Variants in KANK1 observed in about 807,000 individuals in gnomAD.
KANK1 encodes KN motif and ankyrin repeat domain-containing protein 1.
Under a neutral mutation model 106.2 loss-of-function variants are expected in KANK1, and 109 were observed. That is an observed-to-expected ratio of 1.03 (90% CI 0.88 to 1.20). The LOEUF (loss-of-function observed/expected upper bound fraction) is 1.20, where lower values mean the gene tolerates loss of function less well. KANK1 is among the 50% of genes most tolerant of loss of function. The probability of loss-of-function intolerance (pLI) is 0.00; values close to 1 mark genes in which losing one functional copy is unlikely to be tolerated. For missense variants in KANK1, 2,399 were observed against 1,710.7 expected (o/e 1.40, Z -7.10); for synonymous variants, 873 against 652.2 (o/e 1.34, Z -5.16).
chr9:558,848 T>C (rs554007050), intron 1 of KANK1: 2 of 152,256 alleles, frequency 1.3e-5, no homozygotes, highest in South Asian at 2.1e-4. Flanking sequence ...GTGGCACATA[T>C]ACTAAAATTG....
In KANK1 at chr9:629,438, G is replaced by A. The variant is rs1278769470; in HGVS notation, c.-83-47452G>A. ...ATACAATGTTAATAAATATTTCTAC[G>A]TGTAATGGAGAAACAAGCCATAAAA... On this transcript the variant is annotated intron_variant, in intron 1 of 11. Coordinates refer to ENST00000382297, the MANE Select transcript of KANK1 (RefSeq NM_015158.5). Among the ~76,000 whole-genome samples, 4 of 152,290 alleles carry A rather than the reference G, an allele frequency of 2.6e-5. No individual in the cohort carries two copies. In the East Asian group the frequency reaches 7.7e-4, roughly 29 times the overall value.
In KANK1 at chr9:744,478, A is replaced by G; in HGVS notation, c.3898-13A>G. On this transcript the variant is annotated splice_polypyrimidine_tract_variant and intron_variant, in intron 10 of 11. Coordinates refer to ENST00000382297, the MANE Select transcript of KANK1 (RefSeq NM_015158.5). Reference sequence around the variant, plus strand: ...AAACCCAACATGGCTTGTTCTTTCCATCTTATCTTAAGGATGGCAGCACTG... The same window carrying G: ...AAACCCAACATGGCTTGTTCTTTCCGTCTTATCTTAAGGATGGCAGCACTG... 3 of 1,608,522 alleles carry G rather than the reference A, an allele frequency of 1.9e-6. No individual in the cohort carries two copies. Among genetic ancestry groups the G allele is most frequent in the Non-Finnish European group, 2.6e-6 (3 of 1,175,726 alleles).
intron 3 of KANK1, among the ~76,000 whole-genome samples, chr9:729,075 A>G (rs768908634): frequency 2.0e-5 from 3 of 152,246 alleles, no homozygotes; most frequent in African/African-American, 2.4e-5. Context: ...TCTTTTTTAC[A>G]GAGTTTGACT....
chr9:562,880 GA>G (rs967298072), intron 1 of KANK1, among the ~76,000 whole-genome samples: 9 of 152,092 alleles, frequency 5.9e-5, no homozygotes, highest in African/African-American at 1.9e-4. Flanking sequence ...TTTGTTGAAT[GA>G]AAAAAATGAA....
At chr9:503,229 A>G (rs1453622532), upstream of KANK1, among the ~76,000 whole-genome samples, 2 of 152,020 alleles carry the variant, frequency 1.3e-5, no homozygotes, top group Non-Finnish European at 2.9e-5. Flanking sequence ...ATAGAAGAGT[A>G]GACATTTGGG....
At position 711,775 on chromosome 9, in the gene KANK1, C is replaced by A. The variant is rs139937975; in HGVS notation, c.1009C>A (p.Arg337=). ...GNASQLEQLS[R]ARRSGGELYI... ...CGCCTCCCAGCTGGAACAGCTCTCC[C>A]GGGCCCGAAGAAGTGGCGGGGAATT... is the stretch of plus-strand genomic sequence containing the variant. Residue 337 remains arginine (R), a synonymous_variant, in exon 3 of 12, where the codon CGG becomes AGG. Coordinates refer to ENST00000382297, the MANE Select transcript of KANK1 (RefSeq NM_015158.5). The A allele has an allele frequency of 6.2e-7, 1 of 1,614,184 alleles. No homozygotes were observed. Among genetic ancestry groups the A allele is most frequent in the Admixed American group, 1.7e-5 (1 of 60,014 alleles).
intron 1 of KANK1, among the ~76,000 whole-genome samples, chr9:676,512 T>C (rs1222076461): frequency 1.3e-5 from 2 of 152,190 alleles, no homozygotes; most frequent in Admixed American, 6.5e-5. Flanking sequence ...GTTGAATAAA[T>C]GAACTTTTTG....
intron 1 of KANK1, among the ~76,000 whole-genome samples, chr9:656,576 G>A (rs896693399): frequency 6.6e-6 from 1 of 151,998 alleles, no homozygotes; most frequent in Non-Finnish European, 1.5e-5. Flanking sequence ...GGCTTTTTCA[G>A]TCATTTCCCA....
At chr9:717,438 T>A (rs558506746) in intron 3 of KANK1, among the ~76,000 whole-genome samples, 17 of 152,350 alleles carry the variant, frequency 1.1e-4, no homozygotes, top group South Asian at 2.1e-4. Flanking sequence ...AACATATATT[T>A]TTGTAATAAA....
chr9:619,689 G>A (rs767562703), intron 1 of KANK1, among the ~76,000 whole-genome samples: 4 of 152,112 alleles, frequency 2.6e-5, no homozygotes, highest in South Asian at 4.2e-4. Context: ...TAGATCAGCC[G>A]TACTGTAATT....
intron 1 of KANK1, among the ~76,000 whole-genome samples, chr9:616,634 A>G (rs79380630): frequency 0.03 from 4,570 of 152,284 alleles, 91 homozygotes; most frequent in Non-Finnish European, 0.043. Flanking sequence ...CTCATTATCA[A>G]TCAAGATAGT....
At chr9:505,085 C>T (rs1334364347) in intron 1 of KANK1, among the ~76,000 whole-genome samples, 3 of 151,914 alleles carry the variant, frequency 2.0e-5, no homozygotes, top group Non-Finnish European at 4.4e-5. Flanking sequence ...CGAGAAAGTT[C>T]GGGCCGGGCC....
At chr9:699,881 C>G (rs1822224177) in intron 2 of KANK1, among the ~76,000 whole-genome samples, 1 of 152,174 alleles carries the variant, frequency 6.6e-6, no homozygotes, top group Non-Finnish European at 1.5e-5. Context: ...ACTAGAGAGG[C>G]TGAGGCAGGA....
chr9:649,062 T>C (rs904968136), intron 1 of KANK1, among the ~76,000 whole-genome samples: 7 of 152,196 alleles, frequency 4.6e-5, no homozygotes, highest in African/African-American at 1.7e-4. Context: ...TGTCAGCCTT[T>C]CTTAGTACCC....
chr9:598,541 T>C (rs1434424326), intron 1 of KANK1, among the ~76,000 whole-genome samples: 1 of 151,198 alleles, frequency 6.6e-6, no homozygotes, highest in Non-Finnish European at 1.5e-5. Flanking sequence ...AGCAGTGTCT[T>C]GTAATTTCCA....
chr9:532,288 C>T (rs1320891783), intron 1 of KANK1, among the ~76,000 whole-genome samples: 1 of 132,128 alleles, frequency 7.6e-6, no homozygotes, highest in African/African-American at 2.9e-5. Flanking sequence ...GTTGCCCAGG[C>T]TGGAGTGCAG....
intron 1 of KANK1, among the ~76,000 whole-genome samples, chr9:525,350 CGTGTGT>C (rs35296364): frequency 3.3e-4 from 46 of 140,458 alleles, no homozygotes; most frequent in Admixed American, 8.5e-4. Flanking sequence ...TGTATACATA[CGTGTGT>C]GTGTGTGTGT....
intron 1 of KANK1, among the ~76,000 whole-genome samples, chr9:658,313 C>G (rs913858719): frequency 1.3e-5 from 2 of 151,950 alleles, no homozygotes; most frequent in Non-Finnish European, 2.9e-5. Flanking sequence ...AGAAGAAAAC[C>G]TAGTCTTCCT....
intron 1 of KANK1, among the ~76,000 whole-genome samples, chr9:641,039 G>C (rs771058220): frequency 5.9e-5 from 9 of 152,142 alleles, no homozygotes; most frequent in Non-Finnish European, 1.0e-4. Flanking sequence ...TTAAAAGAGA[G>C]AGCTAAATTT....
Sources: allele counts gnomAD v4.1 joint callset (sites outside exome capture counted in the v4.1 genomes callset), GRCh38; gene constraint gnomAD v4.1.1; transcripts MANE v1.5; gene names NCBI Gene and HGNC (gene_info 2026-07-23, HGNC 2026-07-21).